The following SUPT16H variants were observed in gnomAD, a reference collection of about 807,000 sequenced individuals.
SUPT16H encodes the protein SPT16 homolog, facilitates chromatin remodeling subunit.
In SUPT16H, 24 loss-of-function variants were observed where a neutral mutation model predicts 136.2. The observed-to-expected ratio is 0.18, with a 90% CI of 0.13 to 0.25. The LOEUF (loss-of-function observed/expected upper bound fraction) is 0.25. Ranked by LOEUF, SUPT16H falls within the 10% of genes least tolerant of loss-of-function variation. The pLI is 1.00. For missense variants in SUPT16H, 623 were observed against 1,270.2 expected (o/e 0.49, Z 7.74); for synonymous variants, 415 against 428.2 (o/e 0.97, Z 0.38).
At chr14:21,355,320 C>G (rs1055478299) in intron 22 of SUPT16H, among the ~76,000 whole-genome samples, 3 of 151,976 alleles carry the variant, frequency 2.0e-5, no homozygotes, top group African/African-American at 4.8e-5. Context: ...CGGTGAAACC[C>G]CGTCCTACTA....
At position 21,379,632 on chromosome 14, in the gene SUPT16H, C is replaced by T. The variant is rs763705887; in HGVS notation, c.66+4230G>A. On this transcript the variant is annotated intron_variant, in intron 1 of 25. Transcript: ENST00000216297. ...CTTTGGGATGCCGAGGTGGGCGGATCGCTTGAGCCCATGAGTTTGAGACCA... is the reference window on the plus strand; with the variant it reads ...CTTTGGGATGCCGAGGTGGGCGGATTGCTTGAGCCCATGAGTTTGAGACCA... 3.8e-4 allele frequency among the ~76,000 whole-genome samples: 58 copies of T among 151,330 alleles called. 2 individuals carry two copies. The highest frequency in any genetic ancestry group is 1.2e-4 in the Non-Finnish European group (8 of 67,852).
At chr14:21,370,640 C>G in intron 3 of SUPT16H, 152 bp from the exon 4 acceptor site, 1 of 824,128 alleles carries the variant, frequency 1.2e-6, no homozygotes, top group Admixed American at 2.8e-5. Context: ...GAGACAGGGT[C>G]TTGTTCTACT....
rs201142149 is a variant in SUPT16H at position 21,365,178 on chromosome 14, A to G, written c.1047-35T>C. The G allele has an allele frequency of 4.5e-6, 7 of 1,569,128 alleles. No homozygotes were observed. The African/African-American group carries it at 8.1e-5, about 18-fold the overall frequency. Reference sequence around the variant, plus strand: ...AACAGATAAACATCAGCAAAAGGCTAAAGATCTCTAACATGGATCAAGCAT... The same window carrying G: ...AACAGATAAACATCAGCAAAAGGCTGAAGATCTCTAACATGGATCAAGCAT... On this transcript the variant is annotated intron_variant, in intron 8 of 25. Coordinates refer to ENST00000216297, the MANE Select transcript of SUPT16H (RefSeq NM_007192.4).
At chr14:21,363,359 A>G in intron 11 of SUPT16H, 31 bp from the exon 12 acceptor site, 1 of 1,596,042 alleles carries the variant, frequency 6.3e-7, no homozygotes, top group East Asian at 2.3e-5. Flanking sequence ...AAAAAATGAA[A>G]TTTTAATTAT....
chr14:21,381,043 T>C (rs1051440561), intron 1 of SUPT16H, among the ~76,000 whole-genome samples: 15 of 151,984 alleles, frequency 9.9e-5, no homozygotes, highest in Non-Finnish European at 1.9e-4. Context: ...AAATCCTTTC[T>C]GCTCTTAGCA....
intron 1 of SUPT16H, 102 bp from the exon 2 acceptor site, chr14:21,373,532 A>C: frequency 1.1e-6 from 1 of 924,598 alleles, no homozygotes; most frequent in Non-Finnish European, 1.8e-6. Context: ...TCCTGATAGA[A>C]ATTTCAAGTT....
intron 15 of SUPT16H, 97 bp from the exon 16 acceptor site, chr14:21,361,310 G>GGTTTT: frequency 1.2e-6 from 1 of 853,284 alleles, no homozygotes; most frequent in Non-Finnish European, 1.6e-6. Flanking sequence ...TCTCTACTTT[G>GGTTTT]CTTTTTTTTT....
intron 2 of SUPT16H, 41 bp from the exon 3 acceptor site, chr14:21,372,085 C>G (rs1266967393): frequency 3.2e-6 from 5 of 1,571,960 alleles, no homozygotes; most frequent in Non-Finnish European, 4.3e-6. Context: ...TTTACAGATA[C>G]AAAAATTAAT....
chr14:21,357,483 T>G lies in SUPT16H; in HGVS notation c.2491-117A>C, dbSNP rs77960204. 2.3e-3 allele frequency: 2,184 copies of G among 968,706 alleles called. 14 individuals carry two copies. The African/African-American group carries it at 0.031, about 14-fold the overall frequency. 60.0% of individuals were successfully genotyped at this position (968,706 alleles called of 1,614,324 possible). ...AAAGATAACTTAAGCTGTTTTTTGG[T>G]TTTTTTTTTGAAAGACTGAGGCAGT... On this transcript the variant is annotated intron_variant, in intron 21 of 25. Coordinates refer to ENST00000216297, the MANE Select transcript of SUPT16H (RefSeq NM_007192.4).
At position 21,365,109 on chromosome 14, in the gene SUPT16H, G is replaced by A. The variant is rs1886638563; in HGVS notation, c.1081C>T (p.Leu361=). The change falls in exon 9 of 26, where the codon CTA becomes TTA. Residue 361 remains leucine, a synonymous_variant. Transcript: ENST00000216297. ...GMGIEFREGS[L]VINSKNQYKL... Reference sequence around the variant, plus strand: ...TATTGATTTTTGCTATTGATTACTAGGGAGCCTTCACGGAATTCAATTCCC... The same window carrying A: ...TATTGATTTTTGCTATTGATTACTAAGGAGCCTTCACGGAATTCAATTCCC... 1 of 1,613,768 alleles carries A rather than the reference G, an allele frequency of 6.2e-7. No homozygotes were observed. Among genetic ancestry groups the A allele is most frequent in the Non-Finnish European group, 8.5e-7 (1 of 1,179,890 alleles).
intron 3 of SUPT16H, among the ~76,000 whole-genome samples, chr14:21,371,163 T>C (rs183138108): frequency 1.3e-5 from 2 of 152,266 alleles, no homozygotes; most frequent in Admixed American, 1.3e-4. Context: ...TGAGCCACCA[T>C]GCCTGGCCTA....
chr14:21,378,821 G>A (rs1886958975), intron 1 of SUPT16H, among the ~76,000 whole-genome samples: 1 of 152,116 alleles, frequency 6.6e-6, no homozygotes, highest in African/African-American at 2.4e-5. Flanking sequence ...GCTTTTATTA[G>A]AACTATGACT....
chr14:21,354,892 T>TG, intron 22 of SUPT16H: 1 of 188,342 alleles, frequency 5.3e-6, no homozygotes, highest in East Asian at 1.5e-4. Flanking sequence ...GCGCCCTGCC[T>TG]GGGAGCAGAT....
At chr14:21,369,952 T>C (rs1886750684) in intron 4 of SUPT16H, 56 bp from the exon 5 acceptor site, 6 of 1,585,962 alleles carry the variant, frequency 3.8e-6, no homozygotes, top group Admixed American at 3.4e-5. Context: ...ACAAAATAAA[T>C]GCATCTCTCC....
At chr14:21,357,879 T>C (rs1566382267) in intron 21 of SUPT16H, 48 bp downstream of exon 21, 7 of 1,554,812 alleles carry the variant, frequency 4.5e-6, no homozygotes, top group South Asian at 2.3e-5. Context: ...TATCCTTCTT[T>C]ATTTTCTCTA....
intron 23 of SUPT16H, 28 bp from the exon 24 acceptor site, chr14:21,353,860 T>G: frequency 6.3e-7 from 1 of 1,592,018 alleles, no homozygotes; most frequent in South Asian, 1.1e-5. Context: ...AATACTGATT[T>G]TTTTTTGACA....
chr14:21,357,463 T>C (rs1293595216), intron 21 of SUPT16H, 97 bp from the exon 22 acceptor site: 10 of 1,277,430 alleles, frequency 7.8e-6, no homozygotes, highest in Non-Finnish European at 1.0e-5. Flanking sequence ...ACATAAAAGA[T>C]AACTTAAGCT....
At chr14:21,375,864 A>G (rs1161020396) in intron 1 of SUPT16H, among the ~76,000 whole-genome samples, 2 of 152,232 alleles carry the variant, frequency 1.3e-5, no homozygotes. Flanking sequence ...AAATGCTAGG[A>G]TCACAGGTGT....
At chr14:21,355,365 C>T (rs377169248) in intron 22 of SUPT16H, among the ~76,000 whole-genome samples, 6 of 152,040 alleles carry the variant, frequency 3.9e-5, no homozygotes, top group East Asian at 3.9e-4. Flanking sequence ...TGGTAGCACG[C>T]GCCTGTAGTC....
Sources: gnomAD v4.1 joint callset for allele counts (sites outside exome capture counted in the v4.1 genomes callset) on GRCh38, gnomAD v4.1.1 for gene constraint, MANE v1.5 for transcripts, NCBI Gene and HGNC (gene_info 2026-07-23, HGNC 2026-07-21) for gene names.